Variants in SLC22A17 observed in about 807,000 individuals in gnomAD.
The protein encoded by SLC22A17 is solute carrier family 22 member 17.
SLC22A17 carries 38 observed loss-of-function variants against 53.6 expected under a neutral mutation model. The ratio of observed to expected loss-of-function variants is 0.71; its 90% CI spans 0.55 to 0.93. SLC22A17 has a LOEUF of 0.93. Among genes scored for constraint, SLC22A17 ranks in the 40% least tolerant of loss-of-function variants. The probability of loss-of-function intolerance (pLI) is 0.00; values close to 1 mark genes in which losing one functional copy is unlikely to be tolerated. For missense variants in SLC22A17, 704 were observed against 791.0 expected (o/e 0.89, Z 1.32); for synonymous variants, 379 against 353.0 (o/e 1.07, Z -0.82).
In SLC22A17 at chr14:23,349,441, G is replaced by A. The variant is rs1278747739; in HGVS notation, c.705-15C>T. On this transcript the variant is annotated splice_polypyrimidine_tract_variant and intron_variant, in intron 3 of 9. Transcript: ENST00000397267. ...GACGGCCAAATCTAGAAAGTGGGAA[G>A]GGCTTCTGGTCACCCAGACTCTCTG... 1.9e-6 allele frequency: 3 copies of A among 1,606,814 alleles called. No individual in the cohort carries two copies. The South Asian group carries it at 3.3e-5, about 18-fold the overall frequency.
rs1180097762 is a variant in SLC22A17, at chr14:23,347,303, T to C, written c.1550-91A>G. 6.1e-6 allele frequency: 9 copies of C among 1,465,628 alleles called. No homozygotes were observed. The East Asian group carries it at 9.7e-5, about 16-fold the overall frequency. 90.8% of individuals were successfully genotyped at this position (1,465,628 alleles called of 1,614,324 possible). A position where few individuals can be genotyped will look rare whatever the true frequency, so the allele number is the denominator to read the frequency against. ...TCATCCCCTTGGCTCTCTGTTCCCA[T>C]GGCTCTAGCTGGGCAGGCTCTGGGC... On this transcript the variant is annotated intron_variant, in intron 8 of 9. Transcript: ENST00000397267. This position sits in a 1 kb window ranked among gnomAD's most constrained non-coding sequence, Gnocchi z 5.1.
chr14:23,349,326 G>T (rs756429235), exon 4 of SLC22A17: 1 of 1,614,082 alleles, frequency 6.2e-7, no homozygotes, highest in Non-Finnish European at 8.5e-7. Context: ...AAGAGGAATC[G>T]GAGGGCCATG....
In SLC22A17 at chr14:23,347,612, A is replaced by T. The variant is rs761584552; in HGVS notation, c.1397T>A (p.Leu466Gln). The change falls in exon 8 of 10, where the codon CTG (leucine) becomes CAG (glutamine). Residue 466 changes from leucine to glutamine, a missense_variant. By Grantham distance (113) the Leu-to-Gln change is moderately radical. Around this residue, in one of 4 missense-constraint regions of SLC22A17, gnomAD observed 435 missense variants for 529.0 expected, o/e 0.82. Transcript: ENST00000397267. This position sits in a 1 kb window ranked among gnomAD's most constrained non-coding sequence, Gnocchi z 5.1. ...GCCAAATCGGTCCACGGTGACCCCC[A>T]GGAAGACACAGGCCAGGGCTGCGGT... 6.2e-7 allele frequency: 1 copy of T among 1,613,998 alleles called. No individual in the cohort carries two copies. Among genetic ancestry groups the T allele is most frequent in the Non-Finnish European group, 8.5e-7 (1 of 1,179,990 alleles).
At chr14:23,350,088 G>A (rs1023138910) in intron 3 of SLC22A17, among the ~76,000 whole-genome samples, 1 of 152,060 alleles carries the variant, frequency 6.6e-6, no homozygotes, top group Non-Finnish European at 1.5e-5. Flanking sequence ...GGCAGATCAC[G>A]AGGTCAGGAG....
At position 23,348,944 on chromosome 14, in the gene SLC22A17, G is replaced by A. The variant is rs965325034; in HGVS notation, c.860-273C>T. On this transcript the variant is annotated intron_variant, in intron 4 of 9. Coordinates refer to ENST00000397267, the Ensembl canonical transcript of SLC22A17. This position sits in a 1 kb window ranked among gnomAD's most constrained non-coding sequence, Gnocchi z 4.5. ...CCAATTTATAGGCCCTTTCCCATCAGGCCTCTTATTTGACCTTCACATCAA... is the reference window on the plus strand; with the variant it reads ...CCAATTTATAGGCCCTTTCCCATCAAGCCTCTTATTTGACCTTCACATCAA... 1.0e-5 allele frequency: 6 copies of A among 592,418 alleles called. No individual in the cohort carries two copies. In the Admixed American group the frequency reaches 1.8e-4, roughly 18 times the overall value. 36.7% of individuals were successfully genotyped at this position (592,418 alleles called of 1,614,324 possible).
In SLC22A17 at chr14:23,352,512, CA is replaced by C; in HGVS notation, c.97-62del. On this transcript the variant is annotated intron_variant, in intron 1 of 9. Transcript: ENST00000397267. The surrounding 1 kb of genome is among the most constrained non-coding windows in gnomAD (Gnocchi z 7.2). ...AGCGGAGGAAACCGCAGAGCAAGGG[CA>C]GGGGGCAGGTGGGAGGGAGGGCTAG... 2.4e-6 allele frequency: 1 copy of C among 420,088 alleles called. No individual in the cohort carries two copies. The highest frequency in any genetic ancestry group is 5.9e-4 in the Middle Eastern group (1 of 1,682). The allele number at this position is 420,088 out of a possible 1,614,324, so 26.0% of individuals were successfully genotyped here.
intron 3 of SLC22A17, chr14:23,350,930 G>A (rs1337322495): frequency 2.0e-5 from 3 of 152,246 alleles, no homozygotes; most frequent in Admixed American, 6.5e-5. Context: ...ATCCACAGAA[G>A]TTGAGTTATT....
exon 3 of SLC22A17, chr14:23,351,823 C>G: frequency 6.2e-7 from 1 of 1,613,744 alleles, no homozygotes; most frequent in Non-Finnish European, 8.5e-7. Flanking sequence ...GCTCCAGGAT[C>G]ACCTGCCAGC....
rs1299679385 is a variant in SLC22A17, at chr14:23,348,471, G to T, written c.1025+35C>A. 6.2e-7 allele frequency: 1 copy of T among 1,603,270 alleles called. No homozygotes were observed. The highest frequency in any genetic ancestry group is 8.5e-7 in the Non-Finnish European group (1 of 1,173,192). On this transcript the variant is annotated intron_variant, in intron 5 of 9. Transcript: ENST00000397267. The surrounding 1 kb of genome is among the most constrained non-coding windows in gnomAD (Gnocchi z 4.5). ...AGGGCTAGTTTGGAGGCAGAGATGG[G>T]AATTGCCAGACGACAGGTGAAGGGT... is the stretch of plus-strand genomic sequence containing the variant.
Position 23,347,276 on chromosome 14 carries a change from T to A in SLC22A17, c.1550-64A>T, listed in dbSNP as rs1595005152. On this transcript the variant is annotated intron_variant, in intron 8 of 9. Transcript: ENST00000397267. The surrounding 1 kb of genome is among the most constrained non-coding windows in gnomAD (Gnocchi z 5.1). ...AGGTCAAGGCTGGCCTAGTCCCGGG[T>A]GTCATCCCCTTGGCTCTCTGTTCCC... The A allele has an allele frequency of 6.6e-7, 1 of 1,506,706 alleles. No homozygotes were observed. The highest frequency in any genetic ancestry group is 2.4e-5 in the East Asian group (1 of 42,428). 93.3% of individuals were successfully genotyped at this position (1,506,706 alleles called of 1,614,324 possible). A position where few individuals can be genotyped will look rare whatever the true frequency, so the allele number is the denominator to read the frequency against.
At chr14:23,349,038 A>T (rs1368155297) in intron 4 of SLC22A17, 2 of 621,152 alleles carry the variant, frequency 3.2e-6, no homozygotes, top group South Asian at 3.8e-5. Context: ...GGGGAATAGC[A>T]CCTTATTCCT....
intron 4 of SLC22A17, 31 bp downstream of exon 4, chr14:23,349,241 A>C: frequency 1.2e-6 from 2 of 1,613,922 alleles, no homozygotes; most frequent in Non-Finnish European, 1.7e-6. Context: ...ATGAGACCCA[A>C]GGGAGGGAAT....
Position 23,347,649 on chromosome 14 carries a change from G to A in SLC22A17, c.1360C>T (p.Leu454=), listed in dbSNP as rs577523704. ...GCCAGGGCTGCGGTGCCGCTGGCCA[G>A]CAGAGAGCACAGGTAGAAGTCCGAT... is the stretch of plus-strand genomic sequence containing the variant. Residue 454 remains leucine, a synonymous_variant, in exon 8 of 10, where the codon CTG becomes TTG. Coordinates refer to ENST00000397267, the Ensembl canonical transcript of SLC22A17. The surrounding 1 kb of genome is among the most constrained non-coding windows in gnomAD (Gnocchi z 5.1). 1 of 1,614,036 alleles carries A rather than the reference G, an allele frequency of 6.2e-7. No homozygotes were observed. The highest frequency in any genetic ancestry group is 1.1e-5 in the South Asian group (1 of 91,088).
Position 23,346,978 on chromosome 14 carries a change from C to T in SLC22A17, c.1662-42G>A, listed in dbSNP as rs1186379659. 3.3e-6 allele frequency: 5 copies of T among 1,500,810 alleles called. No homozygotes were observed. In the East Asian group the frequency reaches 7.3e-5, roughly 22 times the overall value. 93.0% of individuals were successfully genotyped at this position (1,500,810 alleles called of 1,614,324 possible). A position where few individuals can be genotyped will look rare whatever the true frequency, so the allele number is the denominator to read the frequency against. ...GAGGAGCTCAGCCCACAGCTGTAGC[C>T]TTGCTGGGCCCTTCTCCCGCAGCCC... On this transcript the variant is annotated intron_variant, in intron 9 of 9. Coordinates refer to ENST00000397267, the Ensembl canonical transcript of SLC22A17.
Position 23,352,536 on chromosome 14 carries a change from T to G in SLC22A17, c.97-85A>C. On this transcript the variant is annotated intron_variant, in intron 1 of 9. Coordinates refer to ENST00000397267, the Ensembl canonical transcript of SLC22A17. This position sits in a 1 kb window ranked among gnomAD's most constrained non-coding sequence, Gnocchi z 7.2. ...GCAGGGGGCAGGTGGGAGGGAGGGCTAGGAAGGCAGTCAGGGGCGAGGGAT... is the reference window on the plus strand; with the variant it reads ...GCAGGGGGCAGGTGGGAGGGAGGGCGAGGAAGGCAGTCAGGGGCGAGGGAT... 2.3e-6 allele frequency: 1 copy of G among 425,688 alleles called. No individual in the cohort carries two copies. The highest frequency in any genetic ancestry group is 4.1e-6 in the Non-Finnish European group (1 of 244,308). The allele number at this position is 425,688 out of a possible 1,614,324, so 26.4% of individuals were successfully genotyped here. A position where few individuals can be genotyped will look rare whatever the true frequency, so the allele number is the denominator to read the frequency against.
Position 23,346,937 on chromosome 14 carries a change from C to G in SLC22A17, c.1662-1G>C. ...CATGATCAGGCCCAGGCCACGGCCCCTGGGGGGAGACAGAGGAGGAGCTCA... is the reference window on the plus strand; with the variant it reads ...CATGATCAGGCCCAGGCCACGGCCCGTGGGGGGAGACAGAGGAGGAGCTCA... On this transcript the variant is annotated splice_acceptor_variant, in intron 9 of 9. Coordinates refer to ENST00000397267, the Ensembl canonical transcript of SLC22A17. LOFTEE classifies it high-confidence loss of function. 6.5e-7 allele frequency: 1 copy of G among 1,530,724 alleles called. No individual in the cohort carries two copies. The highest frequency in any genetic ancestry group is 8.7e-7 in the Non-Finnish European group (1 of 1,143,916). The allele number at this position is 1,530,724 out of a possible 1,614,324, so 94.8% of individuals were successfully genotyped here.
chr14:23,347,085 G>C lies in SLC22A17; in HGVS notation c.1661+16C>G. On this transcript the variant is annotated intron_variant, in intron 9 of 9. Transcript: ENST00000397267. The surrounding 1 kb of genome is among the most constrained non-coding windows in gnomAD (Gnocchi z 5.1). ...AGGGGGCCCGGCTCTGCCCCTGGGG[G>C]CACCCCTGCTCTCACCGGACAGTGG... is the stretch of plus-strand genomic sequence containing the variant. 1 of 1,603,622 alleles carries C rather than the reference G, an allele frequency of 6.2e-7. No homozygotes were observed. Among genetic ancestry groups the C allele is most frequent in the South Asian group, 1.1e-5 (1 of 89,876 alleles).
In SLC22A17 at chr14:23,352,287, C is replaced by A. The variant is rs538161284; in HGVS notation, c.261G>T (p.Val87=). 7.8e-6 allele frequency: 11 copies of A among 1,405,586 alleles called. No individual in the cohort carries two copies. Among genetic ancestry groups the A allele is most frequent in the Non-Finnish European group, 1.0e-5 (11 of 1,081,506 alleles). The allele number at this position is 1,405,586 out of a possible 1,614,324, so 87.1% of individuals were successfully genotyped here. Residue 87 remains valine, a synonymous_variant, in exon 2 of 10, where the codon GTG becomes GTT. Coordinates refer to ENST00000397267, the Ensembl canonical transcript of SLC22A17. The surrounding 1 kb of genome is among the most constrained non-coding windows in gnomAD (Gnocchi z 7.2). ...GCTGCTGGCCGCCGCCCAGCGCCCC[C>A]ACCTGGGCGAGCAGCGCCTCAAAGC...
Position 23,347,128 on chromosome 14 carries a change from G to T in SLC22A17, c.1634C>A (p.Ala545Asp). The T allele has an allele frequency of 1.9e-6, 3 of 1,613,798 alleles. No homozygotes were observed. Among genetic ancestry groups the T allele is most frequent in the Non-Finnish European group, 2.5e-6 (3 of 1,179,948 alleles). Reference sequence around the variant, plus strand: ...GACAGTGGTGGGGATGACCTCAGCAGCAAGGAGGGTGCTGAGGATGGCGGC... The same window carrying T: ...GACAGTGGTGGGGATGACCTCAGCATCAAGGAGGGTGCTGAGGATGGCGGC... The change falls in exon 9 of 10, where the codon GCT becomes GAT. Residue 545 changes from alanine (A) to aspartate (D), a missense_variant. By Grantham distance (126) the Ala-to-Asp change is moderately radical. Transcript: ENST00000397267. The surrounding 1 kb of genome is among the most constrained non-coding windows in gnomAD (Gnocchi z 5.1).
Sources: gnomAD v4.1 joint callset for allele counts (sites outside exome capture counted in the v4.1 genomes callset) on GRCh38, gnomAD v4.1.1 for gene constraint, gnomAD v4.1.1 regional missense constraint, Gnocchi (gnomAD v3.1) non-coding constraint, MANE v1.5 for transcripts, NCBI Gene and HGNC (gene_info 2026-07-23, HGNC 2026-07-21) for gene names.